Variants in FAM20B observed in about 807,000 individuals in gnomAD.
FAM20B encodes the protein glycosaminoglycan xylosylkinase.
A neutral mutation model predicts 43.8 loss-of-function variants in FAM20B; 23 were observed. That is an observed-to-expected ratio of 0.53 (90% confidence interval 0.38 to 0.74). The LOEUF (loss-of-function observed/expected upper bound fraction) is 0.74, where lower values mean the gene tolerates loss of function less well. Among genes scored for constraint, FAM20B ranks in the 30% least tolerant of loss-of-function variants. The pLI, the probability that FAM20B is intolerant of heterozygous loss-of-function variation, is 0.00. For missense variants in FAM20B, 440 were observed against 510.5 expected (o/e 0.86, Z 1.33); for synonymous variants, 178 against 192.4 (o/e 0.93, Z 0.62).
chr1:179,042,276 C>G (rs904299473), intron 1 of FAM20B, among the ~76,000 whole-genome samples: 2 of 152,248 alleles, frequency 1.3e-5, no homozygotes, highest in Non-Finnish European at 2.9e-5. Flanking sequence ...GGTCTGGCCA[C>G]TGTACACAGC....
At chr1:179,049,758 T>C (rs891651763) in intron 2 of FAM20B, among the ~76,000 whole-genome samples, 1 of 152,212 alleles carries the variant, frequency 6.6e-6, no homozygotes, top group Non-Finnish European at 1.5e-5. Flanking sequence ...GCCAGGCTGT[T>C]CTCGAACTAC....
At chr1:179,020,160 C>T in the FAM20B span, among the ~76,000 whole-genome samples, 1 of 27,572 alleles carries the variant, frequency 3.6e-5, no homozygotes, top group Non-Finnish European at 7.7e-5. Flanking sequence ...TGTATACACA[C>T]ACACACACAC....
intron 1 of FAM20B, among the ~76,000 whole-genome samples, chr1:179,035,095 T>C (rs747370808): frequency 7.1e-4 from 108 of 152,332 alleles, no homozygotes; most frequent in Non-Finnish European, 1.2e-3. Context: ...TGTAGGACCC[T>C]CTAGTAAGGT....
chr1:179,053,593 T>A (rs1651098926), intron 3 of FAM20B, among the ~76,000 whole-genome samples: 1 of 152,196 alleles, frequency 6.6e-6, no homozygotes, highest in Non-Finnish European at 1.5e-5. Flanking sequence ...TGGGGGTATC[T>A]CTGGATTTCT....
chr1:179,062,913 C>T (rs1279127290), intron 4 of FAM20B, among the ~76,000 whole-genome samples: 1 of 152,142 alleles, frequency 6.6e-6, no homozygotes, highest in Admixed American at 6.5e-5. Flanking sequence ...CCTCTTTTGC[C>T]CTCCCCTGGG....
chr1:179,068,785 G>A (rs1651798653), intron 7 of FAM20B, among the ~76,000 whole-genome samples: 1 of 152,176 alleles, frequency 6.6e-6, no homozygotes, highest in African/African-American at 2.4e-5. Flanking sequence ...TAAAAGGGCT[G>A]AGGGAGAGTA....
intron 1 of FAM20B, among the ~76,000 whole-genome samples, chr1:179,043,054 C>A (rs192310264): frequency 1.4e-3 from 216 of 152,306 alleles, no homozygotes; most frequent in Non-Finnish European, 2.5e-3. Flanking sequence ...CCTTTCCGCC[C>A]AGGAGCCTGC....
rs536044029 is a variant in FAM20B at position 179,068,461 on chromosome 1, A to G, written c.998+1602A>G. On this transcript the variant is annotated intron_variant, in intron 7 of 7. Transcript: ENST00000263733. ...AAGAATTTTTTTTTTTTGGAGATGG[A>G]GTCTTGCTCTGTCACCCAGGCTAGA... Among the ~76,000 whole-genome samples the G allele has an allele frequency of 2.6e-5, 4 of 151,168 alleles. No individual in the cohort carries two copies. The South Asian group carries it at 8.3e-4, about 32-fold the overall frequency.
chr1:179,047,468 TC>T (rs757187557), intron 2 of FAM20B, among the ~76,000 whole-genome samples: 6 of 152,188 alleles, frequency 3.9e-5, no homozygotes, highest in Non-Finnish European at 8.8e-5. Context: ...AGCCTTATCT[TC>T]CTTTTGCTCT....
chr1:179,066,417 G>C (rs974824570), intron 6 of FAM20B, among the ~76,000 whole-genome samples: 1 of 151,986 alleles, frequency 6.6e-6, no homozygotes, highest in Non-Finnish European at 1.5e-5. Context: ...CTGCTTGTTT[G>C]TGGGAATCTA....
chr1:179,019,977 C>A, the FAM20B span, among the ~76,000 whole-genome samples: 1 of 152,172 alleles, frequency 6.6e-6, no homozygotes, highest in Admixed American at 6.5e-5. Flanking sequence ...GGTACTGGTT[C>A]TTTCTCCCTG....
At chr1:179,031,119 T>C (rs1051906113) in intron 1 of FAM20B, among the ~76,000 whole-genome samples, 8 of 152,166 alleles carry the variant, frequency 5.3e-5, no homozygotes, top group African/African-American at 1.4e-4. Flanking sequence ...CTGTAGTGAA[T>C]TGAACACTAA....
intron 5 of FAM20B, 40 bp from the exon 6 acceptor site, chr1:179,064,265 C>T: frequency 1.3e-6 from 2 of 1,529,404 alleles, no homozygotes; most frequent in Non-Finnish European, 1.8e-6. Flanking sequence ...GTGCCAGGTA[C>T]AGTGTTGTCA....
At position 179,076,065 on chromosome 1, in the gene FAM20B, G is replaced by A. The variant is rs1280307675; in HGVS notation, c.*3921G>A. 3.3e-5 allele frequency: 5 copies of A among 152,188 alleles called. No homozygotes were observed. The allele number at this position is 152,188 out of a possible 1,614,324, so 9.4% of individuals were successfully genotyped here. On this transcript the variant is annotated 3_prime_UTR_variant, in exon 8 of 8. Transcript: ENST00000263733. ...TCTGAAGGATTCAGAAAGAACCTTA[G>A]TGAAAGGTTCTCAGTCTCTGAGAGT... is the stretch of plus-strand genomic sequence containing the variant.
intron 3 of FAM20B, among the ~76,000 whole-genome samples, chr1:179,051,005 C>T (rs550260519): frequency 9.9e-5 from 15 of 151,912 alleles, no homozygotes; most frequent in Non-Finnish European, 1.9e-4. Flanking sequence ...ACCTGTAGTC[C>T]CAGCTTCTTG....
intron 3 of FAM20B, among the ~76,000 whole-genome samples, chr1:179,052,125 G>T (rs1651033856): frequency 6.6e-6 from 1 of 152,106 alleles, no homozygotes; most frequent in Admixed American, 6.5e-5. Context: ...ACAACAAACG[G>T]AGAAAACACT....
chr1:179,063,701 G>A (rs1241680753), intron 4 of FAM20B, among the ~76,000 whole-genome samples: 1 of 152,180 alleles, frequency 6.6e-6, no homozygotes, highest in Non-Finnish European at 1.5e-5. Context: ...GGAGGCAAGG[G>A]CAACTTACTT....
At chr1:179,020,022 T>A in the FAM20B span, among the ~76,000 whole-genome samples, 1 of 152,170 alleles carries the variant, frequency 6.6e-6, no homozygotes, top group Non-Finnish European at 1.5e-5. Flanking sequence ...TACCTTGTCT[T>A]CCTCTGTTCG....
At chr1:179,065,429 T>A (rs1651648883) in intron 6 of FAM20B, among the ~76,000 whole-genome samples, 1 of 152,198 alleles carries the variant, frequency 6.6e-6, no homozygotes, top group African/African-American at 2.4e-5. Context: ...AGTGCCACAC[T>A]TTTAGTTGCA....
Sources: allele counts gnomAD v4.1 joint callset (sites outside exome capture counted in the v4.1 genomes callset), GRCh38; gene constraint gnomAD v4.1.1; transcripts MANE v1.5; gene names NCBI Gene and HGNC (gene_info 2026-07-23, HGNC 2026-07-21).